The following TCHH variants were observed in gnomAD, a reference collection of about 807,000 sequenced individuals.
TCHH encodes trichohyalin.
In TCHH, 6 loss-of-function variants were observed where a neutral mutation model predicts 6.3. The ratio of observed to expected loss-of-function variants is 0.95; its 90% confidence interval spans 0.52 to 1.88. TCHH has a LOEUF of 1.88. Among genes scored for constraint, TCHH ranks in the 40% most tolerant of loss-of-function variants. The pLI is 0.01. For missense variants in TCHH, 2,920 were observed against 2,449.1 expected (o/e 1.19, Z -4.06); for synonymous variants, 1,087 against 963.6 (o/e 1.13, Z -2.37).
chr1:152,110,799 C>T lies in TCHH; in HGVS notation c.2418G>A (p.Arg806=). Residue 806 remains arginine, a synonymous_variant, in exon 3 of 3, where the codon CGG becomes CGA. Transcript: ENST00000614923. ...RQLRAEERQQ[R]EQRFLPEEEE... ...CCTCCTCCGGGAGAAACCGTTGTTC[C>T]CGCTGCTGGCGCTCCTCGGCCCTCA... is the stretch of plus-strand genomic sequence containing the variant. 1 of 1,608,102 alleles carries T rather than the reference C, an allele frequency of 6.2e-7. No homozygotes were observed. Among genetic ancestry groups the T allele is most frequent in the Non-Finnish European group, 8.5e-7 (1 of 1,179,878 alleles).
chr1:152,111,109 T>G lies in TCHH; in HGVS notation c.2108A>C (p.Lys703Thr). The change falls in exon 3 of 3, where the codon AAG (lysine) becomes ACG (threonine). Residue 703 changes from lysine (K) to threonine (T), a missense_variant. By Grantham distance (78) the Lys-to-Thr change is moderately conservative (BLOSUM62 -1). Coordinates refer to ENST00000614923, the MANE Select transcript of TCHH (RefSeq NM_007113.4). ...CTCGCTTTCTAGCTGCCACTGCCACTTCGGGATGCGGCTCTTAATCCGCTC... is the reference window on the plus strand; with the variant it reads ...CTCGCTTTCTAGCTGCCACTGCCACGTCGGGATGCGGCTCTTAATCCGCTC... ...ARERIKSRIPKWQWQLESEAD... is the reference protein window; with the variant it reads ...ARERIKSRIPTWQWQLESEAD... The G allele has an allele frequency of 6.2e-7, 1 of 1,613,702 alleles. No individual in the cohort carries two copies. Among genetic ancestry groups the G allele is most frequent in the Non-Finnish European group, 8.5e-7 (1 of 1,180,012 alleles).
intron 1 of TCHH, among the ~76,000 whole-genome samples, chr1:152,114,682 A>G (rs1333139150): frequency 6.6e-6 from 1 of 152,236 alleles, no homozygotes; most frequent in Non-Finnish European, 1.5e-5. Flanking sequence ...TTCTAAGATT[A>G]AATAGTACTT....
chr1:152,112,667 C>CCCGTTCTTG lies in TCHH; in HGVS notation c.541_549dup (p.Gln181_Arg183dup). ...TGCTCTTCCTCTGCACGGCGCTCTT[C>CCCGTTCTTG]CCGTTCTTGCCATTCTTGCCTTTGC... On this transcript the variant is annotated inframe_insertion, in exon 3 of 3. Coordinates refer to ENST00000614923, the MANE Select transcript of TCHH (RefSeq NM_007113.4). 1 of 1,614,094 alleles carries CCCGTTCTTG rather than the reference C, an allele frequency of 6.2e-7. No individual in the cohort carries two copies. Among genetic ancestry groups the CCCGTTCTTG allele is most frequent in the Non-Finnish European group, 8.5e-7 (1 of 1,180,052 alleles).
rs1379623539 is a variant in TCHH, at chr1:152,111,839, G to A, written c.1378C>T (p.Arg460Cys). 8.9e-6 allele frequency: 14 copies of A among 1,579,332 alleles called. No homozygotes were observed. Among genetic ancestry groups the A allele is most frequent in the Non-Finnish European group, 1.1e-5 (13 of 1,168,164 alleles). ...TCGTGCCTCTCCGTCTCCTCCTCGC[G>A]CTTCAGCCAATCGCGCCTCTCCTCC... Reference protein sequence around the residue: ...EQEERRDWLKREEETERHEQE... With the variant: ...EQEERRDWLKCEEETERHEQE... The change falls in exon 3 of 3, where the codon CGC (arginine) becomes TGC (cysteine). Residue 460 changes from arginine (R) to cysteine (C), a missense_variant. Coordinates refer to ENST00000614923, the MANE Select transcript of TCHH (RefSeq NM_007113.4).
In TCHH at chr1:152,108,577, T is replaced by G. The variant is rs1482200731; in HGVS notation, c.4640A>C (p.Gln1547Pro). Residue 1547 changes from glutamine (Q) to proline (P), a missense_variant, in exon 3 of 3, where the codon CAA becomes CCA. Coordinates refer to ENST00000614923, the MANE Select transcript of TCHH (RefSeq NM_007113.4). ...EQQLRRQERG[Q>P]QRRQDRDRKF... ...TCTGTCACGGTCCTGACGCCGCTGTTGCCCGCGCTCCTGGCGGCGCAGCTG... is the reference window on the plus strand; with the variant it reads ...TCTGTCACGGTCCTGACGCCGCTGTGGCCCGCGCTCCTGGCGGCGCAGCTG... 1.9e-6 allele frequency: 3 copies of G among 1,607,328 alleles called. No individual in the cohort carries two copies. The South Asian group carries it at 3.3e-5, about 18-fold the overall frequency.
rs1339814354 is a variant in TCHH, at chr1:152,111,030, C to T, written c.2187G>A (p.Gln729=). ...VYSRPRKQEG[Q]RRRQEQEEKR... ...TTTCCTCCTGCTCTTGGCGGCGCCT[C>T]TGCCCTTCCTGCTTGCGGGGCCTCG... is the stretch of plus-strand genomic sequence containing the variant. Residue 729 remains glutamine (Q), a synonymous_variant, in exon 3 of 3, where the codon CAG becomes CAA. Coordinates refer to ENST00000614923, the MANE Select transcript of TCHH (RefSeq NM_007113.4). 2.5e-6 allele frequency: 4 copies of T among 1,613,632 alleles called. No individual in the cohort carries two copies. Among genetic ancestry groups the T allele is most frequent in the Non-Finnish European group, 3.4e-6 (4 of 1,180,018 alleles).
chr1:152,112,236 C>G lies in TCHH; in HGVS notation c.981G>C (p.Arg327Ser). The change falls in exon 3 of 3, where the codon AGG becomes AGC. Residue 327 changes from arginine to serine, a missense_variant. Transcript: ENST00000614923. ...CGCGCCTCTCCTCCTGCTGCTCGCG[C>G]CTCTCCTGCTGCTCGCGCCTCTCCT... The part of the protein sequence containing the change: ...QQEERREQQE[R>S]REQQEERREQ... 6.2e-7 allele frequency: 1 copy of G among 1,601,590 alleles called. No homozygotes were observed. The highest frequency in any genetic ancestry group is 1.7e-4 in the Middle Eastern group (1 of 6,038).
At position 152,112,230 on chromosome 1, in the gene TCHH, C is replaced by A; in HGVS notation, c.987G>T (p.Glu329Asp). The A allele has an allele frequency of 6.2e-7, 1 of 1,601,904 alleles. No individual in the cohort carries two copies. Residue 329 changes from glutamate (E) to aspartate (D), a missense_variant, in exon 3 of 3, where the codon GAG becomes GAT. Glu to Asp is a conservative substitution (Grantham distance 45, BLOSUM62 2). Coordinates refer to ENST00000614923, the MANE Select transcript of TCHH (RefSeq NM_007113.4). ...GCTGCTCGCGCCTCTCCTCCTGCTG[C>A]TCGCGCCTCTCCTGCTGCTCGCGCC... ...EERREQQERREQQEERREQQL... is the reference protein window; with the variant it reads ...EERREQQERRDQQEERREQQL...
Position 152,110,769 on chromosome 1 carries a change from C to G in TCHH, c.2448G>C (p.Glu816Asp). The G allele has an allele frequency of 1.2e-6, 2 of 1,607,292 alleles. No individual in the cohort carries two copies. The highest frequency in any genetic ancestry group is 8.5e-7 in the Non-Finnish European group (1 of 1,179,628). ...GTCGCTGGCGGCGCCGCTGCTCCTT[C>G]TCCTCCTCCTCCGGGAGAAACCGTT... ...REQRFLPEEE[E>D]KEQRRRQRRE... The change falls in exon 3 of 3, where the codon GAG becomes GAC. Residue 816 changes from glutamate to aspartate, a missense_variant. Coordinates refer to ENST00000614923, the MANE Select transcript of TCHH (RefSeq NM_007113.4).
rs765088117 is a variant in TCHH at position 152,109,692 on chromosome 1, C to T, written c.3525G>A (p.Glu1175=). 1.7e-5 allele frequency: 27 copies of T among 1,607,836 alleles called. No homozygotes were observed. The highest frequency in any genetic ancestry group is 2.0e-5 in the Non-Finnish European group (24 of 1,176,718). ...ELERQYREEE[E]LQQEEEQLLR... is the part of the protein sequence containing the mutation. Reference sequence around the variant, plus strand: ...GCAGCTGCTCTTCCTCCTGCTGCAGCTCCTCTTCCTCGCGGTATTGCCTCT... The same window carrying T: ...GCAGCTGCTCTTCCTCCTGCTGCAGTTCCTCTTCCTCGCGGTATTGCCTCT... The change falls in exon 3 of 3, where the codon GAG becomes GAA. Residue 1175 remains glutamate (E), a synonymous_variant. Transcript: ENST00000614923.
At position 152,107,992 on chromosome 1, in the gene TCHH, C is replaced by T. The variant is rs1233825247; in HGVS notation, c.5225G>A (p.Arg1742His). The change falls in exon 3 of 3, where the codon CGC becomes CAC. Residue 1742 changes from arginine (R) to histidine (H), a missense_variant. Transcript: ENST00000614923. ...TAGGATTTTTCTGTAGCGTTCTTGG[C>T]GGCGCAGCTGCTCTTGCTCCGTTTC... ...RQETEQEQLR[R>H]QERYRKILEE... 23 of 1,612,832 alleles carry T rather than the reference C, an allele frequency of 1.4e-5. No homozygotes were observed. The highest frequency in any genetic ancestry group is 1.9e-5 in the Non-Finnish European group (22 of 1,179,784).
Position 152,107,766 on chromosome 1 carries a change from A to G in TCHH, c.5451T>C (p.Arg1817=). Residue 1817 remains arginine, a synonymous_variant, in exon 3 of 3, where the codon CGT becomes CGC. Transcript: ENST00000614923. ...CTTCTTCCCAGCGATACTTTCCGTC[A>G]CGCTGTTGGGGGCGCAGCTGCTGTT... is the stretch of plus-strand genomic sequence containing the variant. ...REEQQLRPQQ[R]DGKYRWEEEQ... The G allele has an allele frequency of 6.2e-7, 1 of 1,614,034 alleles. No individual in the cohort carries two copies. The highest frequency in any genetic ancestry group is 1.3e-5 in the African/African-American group (1 of 74,984).
chr1:152,111,929 CCTGCTCGCGCCT>C lies in TCHH; in HGVS notation c.1276_1287del (p.Arg426_Gln429del). On this transcript the variant is annotated inframe_deletion, in exon 3 of 3. Coordinates refer to ENST00000614923, the MANE Select transcript of TCHH (RefSeq NM_007113.4). Reference sequence around the variant, plus strand: ...TGCTTCTGCTCGTGCCTCTCCTCCTCCTGCTCGCGCCTCAGCTGCTGCTCGCGCCTCAGCTGC... The same window carrying C: ...TGCTTCTGCTCGTGCCTCTCCTCCTCCAGCTGCTGCTCGCGCCTCAGCTGC... The C allele has an allele frequency of 6.4e-7, 1 of 1,564,262 alleles. No homozygotes were observed. The highest frequency in any genetic ancestry group is 8.6e-7 in the Non-Finnish European group (1 of 1,164,078).
intron 2 of TCHH, 133 bp from the exon 3 acceptor site, chr1:152,113,211 TG>T: frequency 1.1e-6 from 1 of 930,136 alleles, no homozygotes. Context: ...ATGTCCAGTG[TG>T]TATCAAGTTT....
At position 152,110,424 on chromosome 1, in the gene TCHH, G is replaced by A. The variant is rs369513564; in HGVS notation, c.2793C>T (p.Arg931=). Residue 931 remains arginine, a synonymous_variant, in exon 3 of 3, where the codon CGC becomes CGT. Coordinates refer to ENST00000614923, the MANE Select transcript of TCHH (RefSeq NM_007113.4). ...CCTCCTGCTGCAGCTGCTCTTCCTC[G>A]CGGTATTGTCTCTCCTGTTCTTGGC... The part of the protein sequence containing the change: ...RRRQEQERQY[R]EEEQLQQEEE... The A allele has an allele frequency of 2.5e-6, 4 of 1,613,286 alleles. No homozygotes were observed. In the African/African-American group the frequency reaches 4.0e-5, roughly 16 times the overall value.
In TCHH at chr1:152,110,913, T is replaced by G. The variant is rs1445331204; in HGVS notation, c.2304A>C (p.Thr768=). The change falls in exon 3 of 3, where the codon ACA becomes ACC. Residue 768 remains threonine, a synonymous_variant. Coordinates refer to ENST00000614923, the MANE Select transcript of TCHH (RefSeq NM_007113.4). ...TCTTTTCCTCCGCCTGCCACTGCCA[T>G]GTGAAGTCCCGGCGCTGCTCCTCTT... ...QQEEEQRRDF[T]WQWQAEEKSE... The G allele has an allele frequency of 1.2e-6, 2 of 1,612,984 alleles. No individual in the cohort carries two copies. Among genetic ancestry groups the G allele is most frequent in the South Asian group, 1.1e-5 (1 of 91,062 alleles).
chr1:152,113,206 C>T (rs1441781121), intron 2 of TCHH, 128 bp from the exon 3 acceptor site: 20 of 944,498 alleles, frequency 2.1e-5, no homozygotes, highest in Non-Finnish European at 3.1e-5. Context: ...GAAAAATGTC[C>T]AGTGTGTATC....
Position 152,106,946 on chromosome 1 carries a change from G to A in TCHH, c.*439C>T, listed in dbSNP as rs889286924. 1 of 154,876 alleles carries A rather than the reference G, an allele frequency of 6.5e-6. No individual in the cohort carries two copies. Among genetic ancestry groups the A allele is most frequent in the African/African-American group, 2.4e-5 (1 of 41,488 alleles). The allele number at this position is 154,876 out of a possible 1,614,324, so 9.6% of individuals were successfully genotyped here. A position where few individuals can be genotyped will look rare whatever the true frequency, so the allele number is the denominator to read the frequency against. ...GAGGCAATGATCAATTTAGGTTCAA[G>A]AAGAAATAGCAACTTGAACATTAAA... On this transcript the variant is annotated 3_prime_UTR_variant, in exon 3 of 3. Transcript: ENST00000614923.
chr1:152,109,142 C>G lies in TCHH; in HGVS notation c.4075G>C (p.Asp1359His), dbSNP rs763558819. Residue 1359 changes from aspartate (D) to histidine (H), a missense_variant, in exon 3 of 3, where the codon GAC becomes CAC. Coordinates refer to ENST00000614923, the MANE Select transcript of TCHH (RefSeq NM_007113.4). ...AGTTCCTCTTCGCGGAATTTTCTGTCACGCTCTTGGCGGCGCAGCGGCTGT... is the reference window on the plus strand; with the variant it reads ...AGTTCCTCTTCGCGGAATTTTCTGTGACGCTCTTGGCGGCGCAGCGGCTGT... ...EEQPLRRQERDRKFREEELRH... is the reference protein window; with the variant it reads ...EEQPLRRQERHRKFREEELRH... 1 of 1,613,826 alleles carries G rather than the reference C, an allele frequency of 6.2e-7. No individual in the cohort carries two copies.
Sources: gnomAD v4.1 joint callset for allele counts (sites outside exome capture counted in the v4.1 genomes callset) on GRCh38, gnomAD v4.1.1 for gene constraint, MANE v1.5 for transcripts, NCBI Gene and HGNC (gene_info 2026-07-23, HGNC 2026-07-21) for gene names.